Variants in BEND6 observed in about 807,000 individuals in gnomAD.
The protein encoded by BEND6 is BEN domain containing 6.
Under a neutral mutation model 31.8 loss-of-function variants are expected in BEND6, and 24 were observed. That is an observed-to-expected ratio of 0.75 (90% CI 0.55 to 1.06). BEND6 has a LOEUF of 1.06. Among genes scored for constraint, BEND6 ranks in the 50% least tolerant of loss-of-function variants. BEND6 has a pLI of 0.00. For synonymous variants in BEND6, 109 were observed against 114.6 expected (o/e 0.95, Z 0.31); for missense variants, 294 against 327.4 (o/e 0.90, Z 0.79).
chr6:56,964,552 A>G (rs1246859667), intron 1 of BEND6, among the ~76,000 whole-genome samples: 1 of 151,272 alleles, frequency 6.6e-6, no homozygotes, highest in Non-Finnish European at 1.5e-5. Context: ...CCCACGCTGG[A>G]GTGCAGTGGC....
intron 4 of BEND6, among the ~76,000 whole-genome samples, chr6:57,016,987 T>C (rs1827586833): frequency 6.6e-6 from 1 of 152,086 alleles, no homozygotes; most frequent in East Asian, 1.9e-4. Context: ...AAATACCTCA[T>C]AAATATTGAA....
rs575563406 is a variant in BEND6, at chr6:57,015,200, G to A, written c.366G>A (p.Gly122=). The change falls in exon 4 of 7, where the codon GGG becomes GGA. Residue 122 remains glycine (G), a synonymous_variant. Coordinates refer to ENST00000370746, the MANE Select transcript of BEND6 (RefSeq NM_152731.3). ...TGGCCGAGGCTCTGCTTAAGGGTGG[G>A]GGAACCATGTCTACATCTGCATCCA... ...VGMAEALLKG[G]GTMSTSASTL... The A allele has an allele frequency of 1.5e-5, 25 of 1,614,112 alleles. No homozygotes were observed. The African/African-American group carries it at 2.8e-4, about 18-fold the overall frequency.
chr6:56,965,592 T>G (rs1319594235), intron 1 of BEND6, among the ~76,000 whole-genome samples: 1 of 151,122 alleles, frequency 6.6e-6, no homozygotes, highest in African/African-American at 2.4e-5. Context: ...AGCCTAGAAG[T>G]TCAAGGCTGC....
chr6:56,964,946 G>T (rs982454747), intron 1 of BEND6, among the ~76,000 whole-genome samples: 2 of 152,136 alleles, frequency 1.3e-5, no homozygotes, highest in Non-Finnish European at 2.9e-5. Context: ...TTTCTTCTTT[G>T]ATCAACACTT....
intron 3 of BEND6, among the ~76,000 whole-genome samples, chr6:57,004,310 C>T (rs901011516): frequency 2.0e-5 from 3 of 152,182 alleles, no homozygotes; most frequent in Admixed American, 6.5e-5. Flanking sequence ...GAAACGATAA[C>T]GACTCTAGTG....
At chr6:57,003,748 T>C (rs1827036307) in intron 3 of BEND6, among the ~76,000 whole-genome samples, 1 of 152,148 alleles carries the variant, frequency 6.6e-6, no homozygotes, top group African/African-American at 2.4e-5. Context: ...TACAGGCCAA[T>C]ATCCCTGATG....
intron 3 of BEND6, among the ~76,000 whole-genome samples, chr6:56,995,119 G>A (rs1826655735): frequency 6.6e-6 from 1 of 151,058 alleles, no homozygotes; most frequent in African/African-American, 2.4e-5. Flanking sequence ...TTTGTAATCA[G>A]TATATTGCTC....
chr6:56,975,327 T>A (rs1462048480), intron 1 of BEND6, among the ~76,000 whole-genome samples: 2 of 152,146 alleles, frequency 1.3e-5, no homozygotes, highest in Non-Finnish European at 2.9e-5. Context: ...TATATTTTCT[T>A]TAAAAAAATG....
chr6:56,997,217 T>A (rs1826752172), intron 3 of BEND6, among the ~76,000 whole-genome samples: 1 of 152,232 alleles, frequency 6.6e-6, no homozygotes, highest in South Asian at 2.1e-4. Context: ...TAGAATGTTC[T>A]TCTTCCAGTT....
chr6:56,976,227 G>T (rs1336194160), intron 1 of BEND6, among the ~76,000 whole-genome samples: 2 of 143,902 alleles, frequency 1.4e-5, no homozygotes, highest in South Asian at 2.2e-4. Flanking sequence ...ATACAGTCTC[G>T]CTCTGTCACC....
intron 1 of BEND6, among the ~76,000 whole-genome samples, chr6:56,963,313 T>C (rs1825351457): frequency 6.6e-6 from 1 of 152,196 alleles, no homozygotes; most frequent in South Asian, 2.1e-4. Context: ...AGATGTTTCC[T>C]TGTACACAAG....
chr6:57,020,609 CG>C (rs1193259532), intron 6 of BEND6, among the ~76,000 whole-genome samples: 16 of 151,858 alleles, frequency 1.1e-4, no homozygotes, highest in African/African-American at 3.6e-4. Flanking sequence ...TTAGTAGAGA[CG>C]GGGGTTTCAC....
intron 5 of BEND6, 88 bp from the exon 6 acceptor site, chr6:57,018,333 T>TAG: frequency 7.2e-7 from 1 of 1,386,634 alleles, no homozygotes; most frequent in African/African-American, 1.5e-5. Flanking sequence ...AATTATAATG[T>TAG]AGAATACTTG....
intron 3 of BEND6, among the ~76,000 whole-genome samples, chr6:57,000,232 T>C (rs965705382): frequency 1.3e-5 from 2 of 152,258 alleles, no homozygotes; most frequent in African/African-American, 4.8e-5. Context: ...GACTCCATTT[T>C]GTTCTGTACT....
chr6:56,980,833 G>T (rs1826039374), intron 1 of BEND6, among the ~76,000 whole-genome samples: 2 of 152,104 alleles, frequency 1.3e-5, no homozygotes, highest in African/African-American at 2.4e-5. Context: ...TTTCTATAAA[G>T]TTTTATTATT....
chr6:57,027,084 G>C lies in BEND6; in HGVS notation c.*1012G>C, dbSNP rs931560508. The C allele has an allele frequency of 6.6e-6, 1 of 152,160 alleles. No individual in the cohort carries two copies. The highest frequency in any genetic ancestry group is 2.4e-5 in the African/African-American group (1 of 41,430). 9.4% of individuals were successfully genotyped at this position (152,160 alleles called of 1,614,324 possible). A position where few individuals can be genotyped will look rare whatever the true frequency, so the allele number is the denominator to read the frequency against. On this transcript the variant is annotated 3_prime_UTR_variant, in exon 7 of 7. Coordinates refer to ENST00000370746, the MANE Select transcript of BEND6 (RefSeq NM_152731.3). ...AAGATAAAACATTCTTCATCAAAAGGCTTCTCGCTTGGTGTCAGGTTGTCA... is the reference window on the plus strand; with the variant it reads ...AAGATAAAACATTCTTCATCAAAAGCCTTCTCGCTTGGTGTCAGGTTGTCA...
At chr6:56,973,073 G>A (rs1478194833) in intron 1 of BEND6, among the ~76,000 whole-genome samples, 1 of 152,136 alleles carries the variant, frequency 6.6e-6, no homozygotes. Context: ...TGGTGATGAC[G>A]CATTTGACAA....
At chr6:57,013,304 G>A (rs1191729091) in intron 3 of BEND6, among the ~76,000 whole-genome samples, 1 of 152,206 alleles carries the variant, frequency 6.6e-6, no homozygotes, top group East Asian at 1.9e-4. Flanking sequence ...ATCAGCCTAA[G>A]AAAGAGGGCA....
chr6:57,013,617 C>T (rs747654913), intron 3 of BEND6, among the ~76,000 whole-genome samples: 2 of 152,132 alleles, frequency 1.3e-5, no homozygotes, highest in Non-Finnish European at 2.9e-5. Flanking sequence ...AGCTCATTAG[C>T]ATAAACTATC....
Sources: gnomAD v4.1 joint callset for allele counts (sites outside exome capture counted in the v4.1 genomes callset) on GRCh38, gnomAD v4.1.1 for gene constraint, MANE v1.5 for transcripts, NCBI Gene and HGNC (gene_info 2026-07-23, HGNC 2026-07-21) for gene names.